Variants in BEND4 observed in about 807,000 individuals in gnomAD.
The protein encoded by BEND4 is BEN domain containing 4.
BEND4 carries 27 observed loss-of-function variants against 54.7 expected under a neutral mutation model. The ratio of observed to expected loss-of-function variants is 0.49; its 90% confidence interval spans 0.36 to 0.68. The LOEUF (loss-of-function observed/expected upper bound fraction) is 0.68, where lower values mean the gene tolerates loss of function less well. BEND4 is among the 30% of genes least tolerant of loss of function. The probability of loss-of-function intolerance (pLI) is 0.00; values close to 1 mark genes in which losing one functional copy is unlikely to be tolerated. For synonymous variants in BEND4, 327 were observed against 299.5 expected, an observed-to-expected ratio of 1.09 and a Z score of -0.95; for missense variants, 702 against 697.2, an observed-to-expected ratio of 1.01 and a Z score of -0.08.
rs1431440674 is a variant in BEND4 at position 42,125,776 on chromosome 4, G to GC, written c.1055-103dup. Reference sequence around the variant, plus strand: ...TTTTTTTTAAACAGAGGTCTTACTGGCACCCATACTGGAGTGCAGTGTGGT... The same window carrying GC: ...TTTTTTTTAAACAGAGGTCTTACTGGCCACCCATACTGGAGTGCAGTGTGGT... On this transcript the variant is annotated intron_variant, in intron 3 of 5. Transcript: ENST00000502486. 4.3e-6 allele frequency: 3 copies of GC among 703,744 alleles called. No homozygotes were observed. The African/African-American group carries it at 5.5e-5, about 13-fold the overall frequency. 43.6% of individuals were successfully genotyped at this position (703,744 alleles called of 1,614,324 possible). A position where few individuals can be genotyped will look rare whatever the true frequency, so the allele number is the denominator to read the frequency against.
At chr4:42,133,630 A>G (rs917390479) in intron 3 of BEND4, among the ~76,000 whole-genome samples, 1 of 152,158 alleles carries the variant, frequency 6.6e-6, no homozygotes, top group Non-Finnish European at 1.5e-5. Context: ...TGAGGCGGGT[A>G]GATCACGTGG....
Position 42,152,137 on chromosome 4 carries a change from C to T in BEND4, c.7G>A (p.Glu3Lys), listed in dbSNP as rs1220070873. ...CCCTCCTCTGCCGGCTGCATCTCTT[C>T]CTCCATCCGGCGCCTCGGGGCCGGT... ME[E>K]EMQPAEEGPS... The change falls in exon 2 of 6, where the codon GAA becomes AAA. Residue 3 changes from glutamate (E) to lysine (K), a missense_variant. Physicochemically the swap from Glu to Lys is moderately conservative, Grantham distance 56 (BLOSUM62 1). Transcript: ENST00000502486. 1.3e-5 allele frequency: 16 copies of T among 1,243,754 alleles called. No homozygotes were observed. The highest frequency in any genetic ancestry group is 8.5e-5 in the Admixed American group (2 of 23,608). The allele number at this position is 1,243,754 out of a possible 1,614,324, so 77.0% of individuals were successfully genotyped here.
chr4:42,151,415 C>T (rs1048311673), intron 2 of BEND4: 3 of 332,152 alleles, frequency 9.0e-6, no homozygotes, highest in African/African-American at 6.4e-5. Flanking sequence ...AGCCGTGCTT[C>T]CCGGCGCGGG....
intron 3 of BEND4, among the ~76,000 whole-genome samples, chr4:42,126,689 A>G (rs1720300087): frequency 6.6e-6 from 1 of 152,190 alleles, no homozygotes; most frequent in Admixed American, 6.5e-5. Context: ...CAGTCCTTTC[A>G]GGAGTAGTAA....
At chr4:42,123,696 A>G (rs80059674) in intron 4 of BEND4, among the ~76,000 whole-genome samples, 22 of 113,196 alleles carry the variant, frequency 1.9e-4, no homozygotes, top group African/African-American at 7.9e-4. Flanking sequence ...GTAATTCAGA[A>G]AAAAAAAAAA....
intron 3 of BEND4, among the ~76,000 whole-genome samples, chr4:42,126,488 G>A (rs888083623): frequency 2.0e-5 from 3 of 152,238 alleles, no homozygotes; most frequent in East Asian, 1.9e-4. Context: ...TTCCCTAAGT[G>A]TCCCAAAAAG....
chr4:42,140,169 G>T (rs1188577229), intron 3 of BEND4, among the ~76,000 whole-genome samples: 1 of 152,126 alleles, frequency 6.6e-6, no homozygotes, highest in East Asian at 1.9e-4. Flanking sequence ...CAATATTAAG[G>T]TGTCCCTAGG....
rs1719532499 is a variant in BEND4 at position 42,110,867 on chromosome 4, A to C, written c.*6651T>G. 1 of 152,232 alleles carries C rather than the reference A, an allele frequency of 6.6e-6. No individual in the cohort carries two copies. The highest frequency in any genetic ancestry group is 1.5e-5 in the Non-Finnish European group (1 of 68,036). The allele number at this position is 152,232 out of a possible 1,614,324, so 9.4% of individuals were successfully genotyped here. ...AAACTCTTAGCTTCAGGGAGAGAAA[A>C]GTTATGTATTCAAAGAAACAGAAAA... is the stretch of plus-strand genomic sequence containing the variant. On this transcript the variant is annotated 3_prime_UTR_variant, in exon 6 of 6. Coordinates refer to ENST00000502486, the MANE Select transcript of BEND4 (RefSeq NM_207406.4).
Position 42,143,834 on chromosome 4 carries a change from G to A in BEND4, c.648C>T (p.His216=). ...TCTGACTGTGGACCCCTTTCCCAAT[G>A]TGACAGTGCTCCTGTCTTTCGTTGT... ...SSYNERQEHC[H]IGKGVHSQTS... is the part of the protein sequence containing the mutation. The change falls in exon 3 of 6, where the codon CAC becomes CAT. Residue 216 remains histidine, a synonymous_variant. Transcript: ENST00000502486. 2 of 1,576,448 alleles carry A rather than the reference G, an allele frequency of 1.3e-6. No homozygotes were observed. Among genetic ancestry groups the A allele is most frequent in the East Asian group, 2.2e-5 (1 of 44,716 alleles).
intron 4 of BEND4, among the ~76,000 whole-genome samples, chr4:42,121,328 A>C (rs1029924302): frequency 2.0e-5 from 3 of 152,114 alleles, no homozygotes; most frequent in African/African-American, 7.2e-5. Flanking sequence ...CGGCTAGGAA[A>C]CCGGCACGGA....
At chr4:42,149,453 C>A (rs1721186011) in intron 2 of BEND4, among the ~76,000 whole-genome samples, 1 of 152,212 alleles carries the variant, frequency 6.6e-6, no homozygotes, top group South Asian at 2.1e-4. Context: ...AGAAGCCTAC[C>A]ATCCAATTCC....
At chr4:42,145,544 T>C (rs1219086769) in intron 2 of BEND4, among the ~76,000 whole-genome samples, 1 of 151,868 alleles carries the variant, frequency 6.6e-6, no homozygotes. Context: ...ATACAAAAAT[T>C]AGCTGGACAT....
At chr4:42,118,473 C>A (rs1392071352) in intron 5 of BEND4, among the ~76,000 whole-genome samples, 1 of 152,078 alleles carries the variant, frequency 6.6e-6, no homozygotes, top group Non-Finnish European at 1.5e-5. Context: ...GCATTGTGGC[C>A]CTAAGTGAAA....
intron 3 of BEND4, among the ~76,000 whole-genome samples, chr4:42,137,934 C>T (rs933552520): frequency 1.3e-5 from 2 of 152,084 alleles, no homozygotes; most frequent in African/African-American, 4.8e-5. Flanking sequence ...GGCAAAAGAT[C>T]AAAAGATAAC....
chr4:42,139,143 GTCT>G (rs1413212394), intron 3 of BEND4, among the ~76,000 whole-genome samples: 3 of 152,064 alleles, frequency 2.0e-5, no homozygotes, highest in African/African-American at 7.2e-5. Context: ...TGATCCAAAA[GTCT>G]TCTGCTTTTG....
Position 42,123,125 on chromosome 4 carries a change from A to G in BEND4, c.1146+2458T>C, listed in dbSNP as rs552116273. Reference sequence around the variant, plus strand: ...GGGAAAGAAAAAGAAAGCAATTTATAGCCCAAAGCACAATTCAGAATGCTC... The same window carrying G: ...GGGAAAGAAAAAGAAAGCAATTTATGGCCCAAAGCACAATTCAGAATGCTC... On this transcript the variant is annotated intron_variant, in intron 4 of 5. Coordinates refer to ENST00000502486, the MANE Select transcript of BEND4 (RefSeq NM_207406.4). 7.2e-5 allele frequency among the ~76,000 whole-genome samples: 11 copies of G among 152,368 alleles called. No individual in the cohort carries two copies. The East Asian group carries it at 2.1e-3, about 29-fold the overall frequency.
chr4:42,119,911 A>T (rs1719992733), intron 5 of BEND4, 143 bp downstream of exon 5: 4 of 1,018,810 alleles, frequency 3.9e-6, no homozygotes, highest in Non-Finnish European at 6.0e-6. Context: ...CTCAAGACTG[A>T]GTAGATGGGC....
intron 2 of BEND4, 83 bp downstream of exon 2, chr4:42,151,574 G>A: frequency 7.4e-7 from 1 of 1,348,546 alleles, no homozygotes. Flanking sequence ...GTAAGTGTCG[G>A]CGGCCCCCCG....
intron 3 of BEND4, among the ~76,000 whole-genome samples, chr4:42,130,383 G>A (rs1720463549): frequency 1.3e-5 from 2 of 150,698 alleles, no homozygotes; most frequent in African/African-American, 4.9e-5. Context: ...GGGAGGCTGA[G>A]GCAAGAAAAT....
Sources: gnomAD v4.1 joint callset for allele counts (sites outside exome capture counted in the v4.1 genomes callset) on GRCh38, gnomAD v4.1.1 for gene constraint, MANE v1.5 for transcripts, NCBI Gene and HGNC (gene_info 2026-07-23, HGNC 2026-07-21) for gene names.